KIF15: variants seen among roughly 807,000 people sequenced by gnomAD.
The protein encoded by KIF15 is kinesin family member 15.
KIF15 carries 140 observed loss-of-function variants against 190.6 expected under a neutral mutation model. The ratio of observed to expected loss-of-function variants is 0.73; its 90% CI spans 0.64 to 0.84. The LOEUF (loss-of-function observed/expected upper bound fraction) is 0.84, where lower values mean the gene tolerates loss of function less well. Ranked by LOEUF, KIF15 falls within the 40% of genes least tolerant of loss-of-function variation. The pLI is 0.00. For missense variants in KIF15, 1,372 were observed against 1,584.4 expected, an observed-to-expected ratio of 0.87 and a Z score of 2.28; for synonymous variants, 528 against 551.3, an observed-to-expected ratio of 0.96 and a Z score of 0.59.
intron 6 of KIF15, among the ~76,000 whole-genome samples, chr3:44,868,009 A>G (rs1015034632): frequency 2.6e-5 from 4 of 152,216 alleles, no homozygotes; most frequent in African/African-American, 9.6e-5. Context: ...GCAATTCAGT[A>G]GTATTTTAGT....
At chr3:44,801,662 C>A in intron 12 of KIF15, 103 bp from the exon 13 acceptor site, 1 of 959,140 alleles carries the variant, frequency 1.0e-6, no homozygotes, top group South Asian at 1.6e-5. Context: ...TCAAATTTTG[C>A]CTTTAAGATT....
intron 1 of KIF15, among the ~76,000 whole-genome samples, chr3:44,773,686 G>A (rs1231129866): frequency 6.6e-6 from 1 of 152,108 alleles, no homozygotes; most frequent in Non-Finnish European, 1.5e-5. Context: ...AGAAGTCCGA[G>A]GACAAGAAGC....
At chr3:44,861,780 C>A in intron 6 of KIF15, 3 of 951,476 alleles carry the variant, frequency 3.2e-6, no homozygotes, top group Middle Eastern at 3.0e-4. Flanking sequence ...GGCCCGCCCC[C>A]TCCGAGGCGC....
intron 30 of KIF15, among the ~76,000 whole-genome samples, chr3:44,845,474 C>T (rs1698804474): frequency 6.6e-6 from 1 of 151,710 alleles, no homozygotes; most frequent in African/African-American, 2.4e-5. Context: ...CAATTTTGAA[C>T]CCATGAAGAG....
chr3:44,865,473 A>C, intron 6 of KIF15: 1 of 394,096 alleles, frequency 2.5e-6, no homozygotes, highest in Non-Finnish European at 4.7e-6. Flanking sequence ...TGCTTTGTGT[A>C]TGGTACTTGA....
At chr3:44,784,119 G>C (rs1236886059) in intron 5 of KIF15, among the ~76,000 whole-genome samples, 3 of 152,144 alleles carry the variant, frequency 2.0e-5, no homozygotes, top group Non-Finnish European at 4.4e-5. Flanking sequence ...AGTACTTAAT[G>C]TGTTTAAAGC....
At chr3:44,844,206 T>C (rs970017219) in intron 30 of KIF15, among the ~76,000 whole-genome samples, 1 of 152,180 alleles carries the variant, frequency 6.6e-6, no homozygotes, top group Non-Finnish European at 1.5e-5. Flanking sequence ...ACACCCCTGA[T>C]ATGAGTTGTT....
intron 24 of KIF15, among the ~76,000 whole-genome samples, chr3:44,829,669 TAA>T (rs1491536684): frequency 7.6e-6 from 1 of 132,172 alleles, no homozygotes; most frequent in Admixed American, 8.7e-5. Flanking sequence ...TATGTATATA[TAA>T]TATATGTATA....
intron 6 of KIF15, among the ~76,000 whole-genome samples, chr3:44,859,454 C>T (rs1278838812): frequency 6.6e-6 from 1 of 152,044 alleles, no homozygotes; most frequent in Non-Finnish European, 1.5e-5. Flanking sequence ...CACTTGGGCC[C>T]AGGGGTTCAA....
At chr3:44,818,189 C>T (rs996524668) in intron 20 of KIF15, among the ~76,000 whole-genome samples, 1 of 152,188 alleles carries the variant, frequency 6.6e-6, no homozygotes, top group Non-Finnish European at 1.5e-5. Context: ...CATCTGCAAA[C>T]AGGGACAATT....
chr3:44,774,314 G>A (rs1705769872), intron 1 of KIF15, 81 bp from the exon 2 acceptor site: 1 of 1,254,580 alleles, frequency 8.0e-7, no homozygotes, highest in Non-Finnish European at 1.1e-6. Flanking sequence ...AATGTAGCAG[G>A]CAACCCAGGA....
At chr3:44,775,154 A>G in intron 2 of KIF15, 100 bp from the exon 3 acceptor site, 2 of 929,078 alleles carry the variant, frequency 2.2e-6, no homozygotes, top group East Asian at 2.4e-5. Context: ...TTGTTGGAGA[A>G]ACTCATTATA....
intron 1 of KIF15, among the ~76,000 whole-genome samples, chr3:44,763,448 CGCGCCACCATGCCCA>C (rs1159962030): frequency 6.6e-6 from 1 of 151,244 alleles, no homozygotes; most frequent in Non-Finnish European, 1.5e-5. Flanking sequence ...ATTACAGGCA[CGCGCCACCATGCCCA>C]GCTAATTTTT....
At chr3:44,843,360 G>A in intron 30 of KIF15, 126 bp downstream of exon 30, 1 of 627,716 alleles carries the variant, frequency 1.6e-6, no homozygotes, top group Non-Finnish European at 2.8e-6. Flanking sequence ...CCAGGAGATG[G>A]TCTTTTGGTT....
intron 16 of KIF15, among the ~76,000 whole-genome samples, chr3:44,806,760 T>C (rs1441455918): frequency 1.3e-5 from 2 of 152,146 alleles, no homozygotes; most frequent in Non-Finnish European, 2.9e-5. Flanking sequence ...CTTTTCTTTT[T>C]TTTAAGACAG....
intron 3 of KIF15, among the ~76,000 whole-genome samples, chr3:44,775,944 GT>G (rs1230315239): frequency 6.6e-6 from 1 of 151,762 alleles, no homozygotes; most frequent in Admixed American, 6.6e-5. Context: ...GCTGGTTGTG[GT>G]AGTGGGCACC....
chr3:44,852,765 T>G lies in KIF15; in HGVS notation c.*30T>G. 3.9e-6 allele frequency: 6 copies of G among 1,553,158 alleles called. No individual in the cohort carries two copies. Among genetic ancestry groups the G allele is most frequent in the Non-Finnish European group, 5.2e-6 (6 of 1,146,794 alleles). On this transcript the variant is annotated 3_prime_UTR_variant, in exon 35 of 35. Coordinates refer to ENST00000326047, the MANE Select transcript of KIF15 (RefSeq NM_020242.3). ...TCCGGTCAGCTACCTAGGCATCACC[T>G]TGTTTGAAGATGTTTCTTCTCTTTT...
intron 3 of KIF15, 131 bp from the exon 4 acceptor site, chr3:44,777,984 T>TTAGA: frequency 1.4e-6 from 1 of 713,068 alleles, no homozygotes. Flanking sequence ...CTTAGATAGT[T>TTAGA]TAGCCTTTTT....
chr3:44,837,635 C>T (rs1352790662), intron 26 of KIF15, among the ~76,000 whole-genome samples: 1 of 151,754 alleles, frequency 6.6e-6, no homozygotes. Context: ...TATACATGCA[C>T]ACACATACCT....
Sources: gnomAD v4.1 joint callset for allele counts (sites outside exome capture counted in the v4.1 genomes callset) on GRCh38, gnomAD v4.1.1 for gene constraint, MANE v1.5 for transcripts, NCBI Gene and HGNC (gene_info 2026-07-23, HGNC 2026-07-21) for gene names.